SLCO2A1: variants seen among roughly 807,000 people sequenced by gnomAD.
SLCO2A1 encodes the protein matrin F/G 1.
In SLCO2A1, 60 loss-of-function variants were observed where a neutral mutation model predicts 71.7. That is an observed-to-expected ratio of 0.84 (90% confidence interval 0.68 to 1.04). SLCO2A1 has a LOEUF of 1.04. Among genes scored for constraint, SLCO2A1 ranks in the 50% least tolerant of loss-of-function variants. SLCO2A1 has a pLI of 0.00. For synonymous variants in SLCO2A1, 308 were observed against 326.7 expected (o/e 0.94, Z 0.62); for missense variants, 745 against 813.4 (o/e 0.92, Z 1.02).
intron 11 of SLCO2A1, among the ~76,000 whole-genome samples, chr3:133,941,632 G>C (rs1559928781): frequency 6.6e-6 from 1 of 152,050 alleles, no homozygotes; most frequent in Admixed American, 6.6e-5. Context: ...GTCATTCCCA[G>C]TGAAAACCTC....
chr3:133,993,646 A>AT (rs570105709), intron 1 of SLCO2A1, among the ~76,000 whole-genome samples: 8 of 150,624 alleles, frequency 5.3e-5, no homozygotes, highest in East Asian at 3.9e-4. Flanking sequence ...TCTCCAATTA[A>AT]TTTTTTTTTT....
intron 1 of SLCO2A1, among the ~76,000 whole-genome samples, chr3:134,006,240 T>C (rs866660149): frequency 3.9e-5 from 6 of 152,058 alleles, no homozygotes; most frequent in African/African-American, 1.4e-4. Flanking sequence ...TTTGTGGAGA[T>C]GAGGTCTCAC....
chr3:133,941,178 A>G (rs1211480258), intron 11 of SLCO2A1, among the ~76,000 whole-genome samples: 1 of 152,182 alleles, frequency 6.6e-6, no homozygotes, highest in Non-Finnish European at 1.5e-5. Context: ...AAATAGGGTA[A>G]AATCCCAGAT....
intron 1 of SLCO2A1, among the ~76,000 whole-genome samples, chr3:133,997,993 G>A (rs1167469717): frequency 4.6e-5 from 7 of 152,318 alleles, no homozygotes; most frequent in African/African-American, 1.2e-4. Flanking sequence ...TCACGGTGCC[G>A]GGGAGGTGCT....
intron 6 of SLCO2A1, 128 bp downstream of exon 6, chr3:133,951,080 T>A: frequency 7.7e-7 from 1 of 1,295,532 alleles, no homozygotes; most frequent in Non-Finnish European, 1.1e-6. Context: ...TCCTGCATCA[T>A]GAAATTTGTT....
At chr3:133,976,053 T>G (rs2108056480) in intron 2 of SLCO2A1, among the ~76,000 whole-genome samples, 1 of 152,332 alleles carries the variant, frequency 6.6e-6, no homozygotes, top group Non-Finnish European at 1.5e-5. Context: ...TACTTGGTGC[T>G]CGTTAAATAT....
intron 1 of SLCO2A1, among the ~76,000 whole-genome samples, chr3:134,026,838 AAG>A: frequency 6.6e-6 from 1 of 152,352 alleles, no homozygotes; most frequent in African/African-American, 2.4e-5. Flanking sequence ...CAAGTAGTTG[AAG>A]ACACAGTTAA....
intron 1 of SLCO2A1, among the ~76,000 whole-genome samples, chr3:133,983,665 G>C (rs1216195215): frequency 6.6e-6 from 1 of 152,150 alleles, no homozygotes; most frequent in Non-Finnish European, 1.5e-5. Context: ...AGCAGTGTGG[G>C]GCCCAGCATG....
rs199895359 is a variant in SLCO2A1 at position 133,938,462 on chromosome 3, T to A, written c.1657A>T (p.Ile553Phe). 7 of 1,614,120 alleles carry A rather than the reference T, an allele frequency of 4.3e-6. No homozygotes were observed. The highest frequency in any genetic ancestry group is 4.2e-6 in the Non-Finnish European group (5 of 1,180,018). The change falls in exon 12 of 14, where the codon ATC becomes TTC. Residue 553 changes from isoleucine (I) to phenylalanine (F), a missense_variant. Physicochemically the swap from Ile to Phe is conservative, Grantham distance 21. Transcript: ENST00000310926. ...VVNQEEKSFA[I>F]GVQFLLMRLL... ...CGCATCAACAAGAACTGCACCCCGATGGCAAATGACTTTTCCTCCTGGTTC... is the reference window on the plus strand; with the variant it reads ...CGCATCAACAAGAACTGCACCCCGAAGGCAAATGACTTTTCCTCCTGGTTC...
At chr3:134,000,377 G>T (rs1213380188) in intron 1 of SLCO2A1, among the ~76,000 whole-genome samples, 1 of 152,092 alleles carries the variant, frequency 6.6e-6, no homozygotes, top group Admixed American at 6.5e-5. Context: ...TAGGGATGGG[G>T]GTGCATACAG....
chr3:133,947,783 G>T (rs1176316575), intron 8 of SLCO2A1, among the ~76,000 whole-genome samples: 21 of 152,274 alleles, frequency 1.4e-4, no homozygotes, highest in African/African-American at 5.1e-4. Flanking sequence ...CAACACAAGA[G>T]TGATGACCCC....
intron 3 of SLCO2A1, among the ~76,000 whole-genome samples, chr3:133,955,814 C>A (rs1933885895): frequency 2.6e-5 from 4 of 152,204 alleles, no homozygotes; most frequent in Admixed American, 2.6e-4. Context: ...CCTTACCGTT[C>A]CGGGGAAGCT....
chr3:133,990,134 G>A (rs762398977), intron 1 of SLCO2A1, among the ~76,000 whole-genome samples: 1 of 152,194 alleles, frequency 6.6e-6, no homozygotes, highest in African/African-American at 2.4e-5. Flanking sequence ...CCAAGCCCGC[G>A]GGCTCCCCGC....
chr3:133,937,471 G>A (rs1451729230), intron 12 of SLCO2A1, among the ~76,000 whole-genome samples: 1 of 152,144 alleles, frequency 6.6e-6, no homozygotes, highest in Non-Finnish European at 1.5e-5. Context: ...GCTCAGCAAG[G>A]GCTCCCGCTC....
intron 1 of SLCO2A1, among the ~76,000 whole-genome samples, chr3:133,982,099 T>C (rs981065332): frequency 3.3e-5 from 5 of 152,046 alleles, no homozygotes; most frequent in Admixed American, 1.3e-4. Flanking sequence ...TTATAGGTTA[T>C]AAGAAAGCAG....
At chr3:133,968,647 T>C (rs1261898962) in intron 3 of SLCO2A1, among the ~76,000 whole-genome samples, 1 of 152,264 alleles carries the variant, frequency 6.6e-6, no homozygotes, top group Non-Finnish European at 1.5e-5. Flanking sequence ...TGTCTGCATG[T>C]GGGCAGACTT....
chr3:134,022,682 T>C lies in SLCO2A1; in HGVS notation c.96+7025A>G, dbSNP rs577020259. On this transcript the variant is annotated intron_variant, in intron 1 of 13. Coordinates refer to ENST00000310926, the MANE Select transcript of SLCO2A1 (RefSeq NM_005630.3). Reference sequence around the variant, plus strand: ...TTAGATAAATATGTCTAGAAGGTTTTATTAAAATTAGGTTTAACATTAATA... The same window carrying C: ...TTAGATAAATATGTCTAGAAGGTTTCATTAAAATTAGGTTTAACATTAATA... Among the ~76,000 whole-genome samples the C allele has an allele frequency of 1.8e-3, 269 of 152,348 alleles. 2 individuals are homozygous for C. The highest frequency in any genetic ancestry group is 6.2e-3 in the African/African-American group (257 of 41,586).
At chr3:134,001,446 C>A (rs1935102190) in intron 1 of SLCO2A1, among the ~76,000 whole-genome samples, 1 of 152,130 alleles carries the variant, frequency 6.6e-6, no homozygotes, top group African/African-American at 2.4e-5. Context: ...TCTGCTTTAT[C>A]ACTGGAGGCT....
At chr3:133,956,368 C>T (rs192617802) in intron 3 of SLCO2A1, among the ~76,000 whole-genome samples, 211 of 152,286 alleles carry the variant, frequency 1.4e-3, no homozygotes, top group Non-Finnish European at 2.3e-3. Flanking sequence ...TCTCCCCAGT[C>T]GCACACGCCT....
Sources: allele counts gnomAD v4.1 joint callset (sites outside exome capture counted in the v4.1 genomes callset), GRCh38; gene constraint gnomAD v4.1.1; transcripts MANE v1.5; gene names NCBI Gene and HGNC (gene_info 2026-07-23, HGNC 2026-07-21).